The following ZC3H12B variants were observed in gnomAD, a reference collection of about 807,000 sequenced individuals.
ZC3H12B encodes the protein zinc finger CCCH-type containing 12B, also known as probable ribonuclease ZC3H12B.
ZC3H12B carries 7 observed loss-of-function variants against 43.9 expected under a neutral mutation model. The observed-to-expected ratio is 0.16, with a 90% CI of 0.09 to 0.30. ZC3H12B has a LOEUF of 0.30. Among genes scored for constraint, ZC3H12B ranks in the 10% least tolerant of loss-of-function variants. The probability of loss-of-function intolerance (pLI) is 1.00; values close to 1 mark genes in which losing one functional copy is unlikely to be tolerated. For synonymous variants in ZC3H12B, 222 were observed against 241.7 expected (o/e 0.92, Z 0.76); for missense variants, 475 against 670.2 (o/e 0.71, Z 3.22).
At chrX:65,213,160 T>G in the ZC3H12B span, among the ~76,000 whole-genome samples, 5 of 110,076 alleles carry the variant, frequency 4.5e-5, no homozygotes, top group Non-Finnish European at 7.6e-5. Context: ...ATATTAATGA[T>G]ATTATATATC....
At chrX:65,319,632 T>C in the ZC3H12B span, among the ~76,000 whole-genome samples, 2 of 110,798 alleles carry the variant, frequency 1.8e-5, no homozygotes, top group African/African-American at 3.3e-5. Context: ...AAAGGAAACA[T>C]CAGGCCAATA....
the ZC3H12B span, among the ~76,000 whole-genome samples, chrX:65,035,340 G>A: frequency 8.9e-6 from 1 of 112,170 alleles, no homozygotes; most frequent in Non-Finnish European, 1.9e-5. Context: ...GGAGGCGAGC[G>A]AATCGCTGCT....
chrX:65,144,496 C>T, the ZC3H12B span, among the ~76,000 whole-genome samples: 4 of 111,068 alleles, frequency 3.6e-5, no homozygotes, highest in African/African-American at 1.3e-4. Flanking sequence ...TTGGTTATTT[C>T]CTTTCTTTTG....
At chrX:65,477,237 G>A (rs2068004988) in intron 3 of ZC3H12B, among the ~76,000 whole-genome samples, 1 of 109,455 alleles carries the variant, frequency 9.1e-6, no homozygotes, top group South Asian at 4.0e-4. Context: ...GGGATCCAAG[G>A]CAGGGTCATC....
At chrX:65,246,123 C>T in the ZC3H12B span, among the ~76,000 whole-genome samples, 1 of 111,149 alleles carries the variant, frequency 9.0e-6, no homozygotes, top group African/African-American at 3.3e-5. Flanking sequence ...CAACAATAGT[C>T]AACCCAAGAT....
At chrX:65,458,966 G>C (rs1489151707) in intron 3 of ZC3H12B, among the ~76,000 whole-genome samples, 1 of 107,936 alleles carries the variant, frequency 9.3e-6, no homozygotes, top group East Asian at 2.9e-4. Context: ...CTGCTAGCAA[G>C]ACTAATAAAG....
At chrX:65,160,868 G>T in the ZC3H12B span, among the ~76,000 whole-genome samples, 2 of 110,585 alleles carry the variant, frequency 1.8e-5, no homozygotes, top group African/African-American at 6.6e-5. Flanking sequence ...GTCAATTTTG[G>T]ATCGTTCCTG....
At chrX:65,442,661 G>C in intron 3 of ZC3H12B, among the ~76,000 whole-genome samples, 1 of 112,319 alleles carries the variant, frequency 8.9e-6, no homozygotes, top group African/African-American at 3.2e-5. Flanking sequence ...TCGAGTAAGA[G>C]TGTCCCAGTC....
chrX:65,430,636 G>T (rs1316083292), intron 3 of ZC3H12B, among the ~76,000 whole-genome samples: 1 of 108,282 alleles, frequency 9.2e-6, no homozygotes, highest in Non-Finnish European at 1.9e-5. Context: ...GAATGATGGT[G>T]TCCATCTTCA....
intron 2 of ZC3H12B, among the ~76,000 whole-genome samples, chrX:65,391,775 C>G (rs1016900555): frequency 1.8e-5 from 2 of 111,280 alleles, no homozygotes; most frequent in African/African-American, 6.5e-5. Context: ...CTCCCCCTCT[C>G]CCTCATCTCC....
the ZC3H12B span, among the ~76,000 whole-genome samples, chrX:65,124,326 C>A: frequency 9.0e-6 from 1 of 110,983 alleles, no homozygotes; most frequent in African/African-American, 3.3e-5. Flanking sequence ...TCTCTGCATC[C>A]CTGGTATGAA....
At chrX:65,438,669 A>G (rs934875454) in intron 3 of ZC3H12B, among the ~76,000 whole-genome samples, 2 of 113,327 alleles carry the variant, frequency 1.8e-5, no homozygotes, top group African/African-American at 6.4e-5. Context: ...GTATCCCTTA[A>G]GGGAAATGAA....
chrX:65,202,122 G>A, the ZC3H12B span, among the ~76,000 whole-genome samples: 1 of 77,686 alleles, frequency 1.3e-5, no homozygotes, highest in East Asian at 3.4e-4. Context: ...TATATTATAT[G>A]TAATATATAT....
chrX:65,380,304 A>G (rs1389599165), intron 2 of ZC3H12B, among the ~76,000 whole-genome samples: 1 of 112,158 alleles, frequency 8.9e-6, no homozygotes, highest in Non-Finnish European at 1.9e-5. Flanking sequence ...GCCAATATTC[A>G]ACATTCTTAA....
At chrX:65,152,121 T>A in the ZC3H12B span, among the ~76,000 whole-genome samples, 1 of 111,418 alleles carries the variant, frequency 9.0e-6, no homozygotes, top group African/African-American at 3.3e-5. Context: ...CCACAGCCAA[T>A]ATCATACTGA....
chrX:65,447,339 A>C (rs1476666964), intron 3 of ZC3H12B, among the ~76,000 whole-genome samples: 1 of 111,700 alleles, frequency 9.0e-6, no homozygotes, highest in Non-Finnish European at 1.9e-5. Flanking sequence ...TTAAAAATTC[A>C]AGGACATCCC....
chrX:65,221,603 A>C, the ZC3H12B span, among the ~76,000 whole-genome samples: 1 of 111,286 alleles, frequency 9.0e-6, no homozygotes, highest in Non-Finnish European at 1.9e-5. Flanking sequence ...GAAATGGATA[A>C]ATTTGTGGAA....
chrX:65,282,564 A>G, the ZC3H12B span, among the ~76,000 whole-genome samples: 1 of 111,544 alleles, frequency 9.0e-6, no homozygotes, highest in Non-Finnish European at 1.9e-5. Context: ...CATCAACAGA[A>G]TTCGTAGACA....
the ZC3H12B span, among the ~76,000 whole-genome samples, chrX:65,302,982 C>T: frequency 2.7e-5 from 3 of 111,039 alleles, no homozygotes; most frequent in South Asian, 3.7e-4. Context: ...AAACACAGAC[C>T]TCACACTATT....
Sources: allele counts gnomAD v4.1 joint callset (sites outside exome capture counted in the v4.1 genomes callset), GRCh38; gene constraint gnomAD v4.1.1; transcripts MANE v1.5; gene names NCBI Gene and HGNC (gene_info 2026-07-23, HGNC 2026-07-21).